NT5C2: variants seen among roughly 807,000 people sequenced by gnomAD.
NT5C2 encodes cytosolic purine 5'-nucleotidase.
A neutral mutation model predicts 76.1 loss-of-function variants in NT5C2; 58 were observed. The observed-to-expected ratio is 0.76, with a 90% CI of 0.62 to 0.95. The LOEUF (loss-of-function observed/expected upper bound fraction) is 0.95. Among genes scored for constraint, NT5C2 ranks in the 40% least tolerant of loss-of-function variants. The pLI, the probability that NT5C2 is intolerant of heterozygous loss-of-function variation, is 0.00. For missense variants in NT5C2, 478 were observed against 690.3 expected, an observed-to-expected ratio of 0.69 and a Z score of 3.45; for synonymous variants, 229 against 237.4, an observed-to-expected ratio of 0.96 and a Z score of 0.32.
In NT5C2 at chr10:103,088,300, G is replaced by C. The variant is rs890194727; in HGVS notation, c.*1372C>G. Reference sequence around the variant, plus strand: ...TTAAAATGTTGAAACAACTTTCACTGTACTGGTGAAACAGTTTTAATACCC... The same window carrying C: ...TTAAAATGTTGAAACAACTTTCACTCTACTGGTGAAACAGTTTTAATACCC... On this transcript the variant is annotated 3_prime_UTR_variant, in exon 19 of 19. Coordinates refer to ENST00000404739, the MANE Select transcript of NT5C2 (RefSeq NM_001351169.2). 6.6e-6 allele frequency: 1 copy of C among 152,226 alleles called. No homozygotes were observed. The highest frequency in any genetic ancestry group is 1.5e-5 in the Non-Finnish European group (1 of 68,036). The allele number at this position is 152,226 out of a possible 1,614,324, so 9.4% of individuals were successfully genotyped here. A position where few individuals can be genotyped will look rare whatever the true frequency, so the allele number is the denominator to read the frequency against.
chr10:103,180,336 T>G (rs542358212), intron 2 of NT5C2, among the ~76,000 whole-genome samples: 1 of 152,240 alleles, frequency 6.6e-6, no homozygotes, highest in South Asian at 2.1e-4. Flanking sequence ...CTGGAAAAGT[T>G]TGCCATTTCT....
chr10:103,160,605 A>G (rs1411237641), intron 3 of NT5C2, among the ~76,000 whole-genome samples: 2 of 152,210 alleles, frequency 1.3e-5, no homozygotes, highest in Admixed American at 6.5e-5. Context: ...CAGACACTTC[A>G]CAAAAGATAC....
At chr10:103,114,399 A>C (rs1565023261) in intron 4 of NT5C2, among the ~76,000 whole-genome samples, 1 of 152,026 alleles carries the variant, frequency 6.6e-6, no homozygotes, top group African/African-American at 2.4e-5. Flanking sequence ...ACAGAGCGAG[A>C]CTCTGTCTCA....
In NT5C2 at chr10:103,174,732, G is replaced by A. The variant is rs1468731588; in HGVS notation, c.101+126C>T. The A allele has an allele frequency of 2.6e-4, 180 of 691,732 alleles. 1 individual carries two copies. In the East Asian group the frequency reaches 4.4e-3, roughly 17 times the overall value. 42.8% of individuals were successfully genotyped at this position (691,732 alleles called of 1,614,324 possible). ...AAAGTCTCGACTTAGAACTAGATTT[G>A]TACCATGTACTAGACATACGATCTG... On this transcript the variant is annotated intron_variant, in intron 3 of 18. Coordinates refer to ENST00000404739, the MANE Select transcript of NT5C2 (RefSeq NM_001351169.2).
Position 103,090,617 on chromosome 10 carries a change from A to T in NT5C2, c.1443T>A (p.His481Gln). Residue 481 changes from histidine (H) to glutamine (Q), a missense_variant, in exon 18 of 19, where the codon CAT becomes CAA. Physicochemically the swap from His to Gln is conservative, Grantham distance 24. Transcript: ENST00000404739. ...CATTACAGCTTTAACTCACCAAGACATGGGCAGCCCTGAAGAGGTAGCTGA... is the reference window on the plus strand; with the variant it reads ...CATTACAGCTTTAACTCACCAAGACTTGGGCAGCCCTGAAGAGGTAGCTGA... ...YPFSYLFRAA[H>Q]VLMPHESTVE... is the part of the protein sequence containing the mutation. The T allele has an allele frequency of 6.2e-7, 1 of 1,613,134 alleles. No individual in the cohort carries two copies. The highest frequency in any genetic ancestry group is 8.5e-7 in the Non-Finnish European group (1 of 1,179,504).
intron 4 of NT5C2, among the ~76,000 whole-genome samples, chr10:103,114,313 G>A (rs970581908): frequency 6.6e-5 from 10 of 152,126 alleles, no homozygotes; most frequent in Admixed American, 5.2e-4. Flanking sequence ...GTGGTGGCAC[G>A]TGCCTGTATC....
intron 3 of NT5C2, 108 bp from the exon 4 acceptor site, chr10:103,139,587 G>T: frequency 2.5e-6 from 2 of 795,148 alleles, no homozygotes; most frequent in Non-Finnish European, 1.9e-6. Context: ...TTTTCCAATT[G>T]ATTTTTTAAA....
intron 3 of NT5C2, among the ~76,000 whole-genome samples, chr10:103,144,147 G>GT (rs1302936273): frequency 2.0e-5 from 3 of 152,158 alleles, no homozygotes; most frequent in Non-Finnish European, 2.9e-5. Context: ...GAAACTAAAT[G>GT]TAACTACTGA....
rs925384706 is a variant in NT5C2, at chr10:103,146,043, G to A, written c.102-6564C>T. The A allele has an allele frequency of 1.9e-5, 19 of 985,004 alleles. No individual in the cohort carries two copies. The Admixed American group carries it at 1.2e-3, about 61-fold the overall frequency. 61.0% of individuals were successfully genotyped at this position (985,004 alleles called of 1,614,324 possible). A position where few individuals can be genotyped will look rare whatever the true frequency, so the allele number is the denominator to read the frequency against. Reference sequence around the variant, plus strand: ...AAGCAGTATTACCTCATCTGTCACTGGTTGCCGTTTTGAAAAGTGTAAAAC... The same window carrying A: ...AAGCAGTATTACCTCATCTGTCACTAGTTGCCGTTTTGAAAAGTGTAAAAC... On this transcript the variant is annotated intron_variant, in intron 3 of 18. Transcript: ENST00000404739.
intron 1 of NT5C2, among the ~76,000 whole-genome samples, chr10:103,182,843 A>G (rs993196448): frequency 1.3e-5 from 2 of 152,160 alleles, no homozygotes; most frequent in African/African-American, 4.8e-5. Context: ...GGAAAAACAA[A>G]AGTTAAAGCT....
intron 3 of NT5C2, among the ~76,000 whole-genome samples, chr10:103,163,863 AAAAAAAAC>A (rs370075697): frequency 0.098 from 13,962 of 141,922 alleles, 738 homozygotes; most frequent in Non-Finnish European, 0.14. Context: ...AAAAATACAA[AAAAAAAAC>A]AAAAAAAAAA....
chr10:103,142,565 G>T (rs916659298), intron 3 of NT5C2, among the ~76,000 whole-genome samples: 3 of 152,170 alleles, frequency 2.0e-5, no homozygotes, highest in South Asian at 2.1e-4. Context: ...CAGTTACTCG[G>T]GAGGCTGAAG....
chr10:103,166,047 TAC>T (rs527515055), intron 3 of NT5C2, among the ~76,000 whole-genome samples: 11 of 152,256 alleles, frequency 7.2e-5, no homozygotes, highest in Non-Finnish European at 1.5e-4. Flanking sequence ...TAAGAAATGA[TAC>T]AGAGATTTCA....
intron 4 of NT5C2, among the ~76,000 whole-genome samples, chr10:103,123,826 A>G (rs967940408): frequency 6.6e-6 from 1 of 151,646 alleles, no homozygotes. Context: ...AAGAGAGCCA[A>G]AAAACTCAAG....
At chr10:103,176,697 C>A (rs76849620) in intron 2 of NT5C2, among the ~76,000 whole-genome samples, 2,191 of 152,218 alleles carry the variant, frequency 0.014, 54 homozygotes, top group African/African-American at 0.049. Flanking sequence ...GCGAGGGGGT[C>A]TCTACAAAAA....
At chr10:103,097,186 G>A in intron 11 of NT5C2, 105 bp downstream of exon 11, 1 of 846,572 alleles carries the variant, frequency 1.2e-6, no homozygotes, top group South Asian at 2.2e-5. Context: ...GAGAAGGCAA[G>A]AAACTATTTT....
intron 4 of NT5C2, among the ~76,000 whole-genome samples, chr10:103,138,333 T>A (rs1443776340): frequency 6.6e-6 from 1 of 152,202 alleles, no homozygotes; most frequent in African/African-American, 2.4e-5. Context: ...TACATAGGTA[T>A]ACATGTACCA....
intron 3 of NT5C2, among the ~76,000 whole-genome samples, chr10:103,161,635 T>C (rs2084912655): frequency 6.6e-6 from 1 of 151,412 alleles, no homozygotes; most frequent in African/African-American, 2.4e-5. Context: ...GAGGCAGGAG[T>C]ATCATTTGAG....
chr10:103,139,435 A>G lies in NT5C2; in HGVS notation c.146T>C (p.Phe49Ser). 6.3e-7 allele frequency: 1 copy of G among 1,583,538 alleles called. No homozygotes were observed. The highest frequency in any genetic ancestry group is 1.1e-5 in the South Asian group (1 of 87,464). The change falls in exon 4 of 19, where the codon TTT becomes TCT. Residue 49 changes from phenylalanine (F) to serine (S), a missense_variant. Coordinates refer to ENST00000404739, the MANE Select transcript of NT5C2 (RefSeq NM_001351169.2). ...RSLAMEKIKCFGFDMDYTLAV... is the reference protein window; with the variant it reads ...RSLAMEKIKCSGFDMDYTLAV... ...AAGGGTATAATCCATATCAAAACCAAAACACTTTATCTTTTCCATTGCTAA... is the reference window on the plus strand; with the variant it reads ...AAGGGTATAATCCATATCAAAACCAGAACACTTTATCTTTTCCATTGCTAA...
Sources: allele counts gnomAD v4.1 joint callset (sites outside exome capture counted in the v4.1 genomes callset), GRCh38; gene constraint gnomAD v4.1.1; transcripts MANE v1.5; gene names NCBI Gene and HGNC (gene_info 2026-07-23, HGNC 2026-07-21).